The following ABR variants were observed in gnomAD, a reference collection of about 807,000 sequenced individuals.
The protein encoded by ABR is active breakpoint cluster region-related protein.
In ABR, 35 loss-of-function variants were observed where a neutral mutation model predicts 107.2. The ratio of observed to expected loss-of-function variants is 0.33; its 90% CI spans 0.25 to 0.43. ABR has a LOEUF of 0.43. ABR is among the 20% of genes least tolerant of loss of function. The pLI is 1.00. For missense variants in ABR, 815 were observed against 1,115.2 expected, an observed-to-expected ratio of 0.73 and a Z score of 3.83; for synonymous variants, 498 against 462.0, an observed-to-expected ratio of 1.08 and a Z score of -1.00.
At position 1,073,695 on chromosome 17, in the gene ABR, G is replaced by C. The variant is rs997103706; in HGVS notation, c.701-18C>G. 3.8e-6 allele frequency: 6 copies of C among 1,596,664 alleles called. No homozygotes were observed. Among genetic ancestry groups the C allele is most frequent in the Non-Finnish European group, 4.3e-6 (5 of 1,170,302 alleles). On this transcript the variant is annotated intron_variant, in intron 6 of 22. Transcript: ENST00000302538. ...GAGCAGAGCTGTCGGGGGAGACAGG[G>C]AGAAGGAGGAAGAGGATGATGGACG...
chr17:1,155,551 C>T (rs2041006653), intron 1 of ABR, among the ~76,000 whole-genome samples: 1 of 152,152 alleles, frequency 6.6e-6, no homozygotes, highest in Non-Finnish European at 1.5e-5. Context: ...GGGGGAACCG[C>T]ACGTCATCAA....
intron 1 of ABR, among the ~76,000 whole-genome samples, chr17:1,176,987 A>G (rs909540172): frequency 1.3e-5 from 2 of 152,112 alleles, no homozygotes; most frequent in African/African-American, 4.8e-5. Context: ...AGAGAGAGGA[A>G]GGCAGGGAAC....
In ABR at chr17:1,004,655, C is replaced by G. The variant is rs1250054867; in HGVS notation, c.*1425G>C. On this transcript the variant is annotated 3_prime_UTR_variant, in exon 23 of 23. Coordinates refer to ENST00000302538, the MANE Select transcript of ABR (RefSeq NM_021962.5). ...CACTCCTTCCTAGTACCGGGCAATG[C>G]GTCTGCAAGTCGGGTCCCTGCTCCC... 3 of 180,188 alleles carry G rather than the reference C, an allele frequency of 1.7e-5. No homozygotes were observed. Among genetic ancestry groups the G allele is most frequent in the Non-Finnish European group, 3.5e-5 (3 of 86,922 alleles). The allele number at this position is 180,188 out of a possible 1,614,324, so 11.2% of individuals were successfully genotyped here.
intron 2 of ABR, among the ~76,000 whole-genome samples, chr17:1,113,106 C>G (rs536447007): frequency 1.0e-3 from 155 of 152,078 alleles, no homozygotes; most frequent in Middle Eastern, 6.8e-3. Context: ...ACAGGGAACC[C>G]CGTGCCTACC....
rs181267182 is a variant in ABR, at chr17:1,218,011, G to T, written c.838+10782C>A. On this transcript the variant is annotated intron_variant, in intron 1 of 22. Transcript: ENST00000574139. ...CGCCCGACTAATTTTTGTATTTTTA[G>T]TGGAGACGGGGTTTCACCATGTTGG... 3.1e-4 allele frequency among the ~76,000 whole-genome samples: 47 copies of T among 152,286 alleles called. 1 individual carries two copies. In the East Asian group the frequency reaches 8.3e-3, roughly 27 times the overall value.
intron 1 of ABR, among the ~76,000 whole-genome samples, chr17:1,135,332 T>C (rs2040010526): frequency 6.6e-6 from 1 of 152,110 alleles, no homozygotes; most frequent in African/African-American, 2.4e-5. Flanking sequence ...GGCCACATCA[T>C]TGCTGAATAT....
At chr17:1,095,110 C>G (rs920097500) in intron 3 of ABR, among the ~76,000 whole-genome samples, 4 of 152,180 alleles carry the variant, frequency 2.6e-5, no homozygotes, top group Non-Finnish European at 5.9e-5. Flanking sequence ...CGCCTTGGCG[C>G]AGTCCCCACT....
At chr17:1,094,734 CGACT>C (rs370827558) in intron 3 of ABR, among the ~76,000 whole-genome samples, 3 of 152,216 alleles carry the variant, frequency 2.0e-5, no homozygotes, top group Admixed American at 6.5e-5. Context: ...ATGGACGATG[CGACT>C]GACTGTAAGC....
chr17:1,027,982 G>T lies in ABR; in HGVS notation c.1792-14818C>A, dbSNP rs541273393. 1.3e-5 allele frequency among the ~76,000 whole-genome samples: 2 copies of T among 152,200 alleles called. No individual in the cohort carries two copies. Among genetic ancestry groups the T allele is most frequent in the South Asian group, 2.1e-4 (1 of 4,814 alleles). Reference sequence around the variant, plus strand: ...GTGAGTGGTAGAGTGAACCTCTGGGGTGTGCACGTGGTCTGCACACCTGGT... The same window carrying T: ...GTGAGTGGTAGAGTGAACCTCTGGGTTGTGCACGTGGTCTGCACACCTGGT... On this transcript the variant is annotated intron_variant, in intron 16 of 22. Coordinates refer to ENST00000302538, the MANE Select transcript of ABR (RefSeq NM_021962.5). This position sits in a 1 kb window ranked among gnomAD's most constrained non-coding sequence, Gnocchi z 4.7.
intron 1 of ABR, 76 bp from the exon 2 acceptor site, chr17:1,125,443 G>C (rs778319800): frequency 6.4e-7 from 1 of 1,566,368 alleles, no homozygotes; most frequent in Non-Finnish European, 8.7e-7. Context: ...AGTGGGCGCC[G>C]GCGGCGGCCC....
Position 1,011,119 on chromosome 17 carries a change from C to T in ABR, c.2102-256G>A, listed in dbSNP as rs1567561911. 5.8e-6 allele frequency: 3 copies of T among 520,410 alleles called. No individual in the cohort carries two copies. The highest frequency in any genetic ancestry group is 1.0e-5 in the Non-Finnish European group (3 of 286,210). 32.2% of individuals were successfully genotyped at this position (520,410 alleles called of 1,614,324 possible). ...GGTGTTTGGGGAGTGAAATCCATCA[C>T]CCAGAGTTCAGAGCCACATTCATAC... On this transcript the variant is annotated intron_variant, in intron 19 of 22. Transcript: ENST00000302538. The surrounding 1 kb of genome is among the most constrained non-coding windows in gnomAD (Gnocchi z 4.8).
chr17:1,011,997 C>T lies in ABR; in HGVS notation c.1962-12G>A, dbSNP rs111894916. The stretch of plus-strand genomic sequence containing the variant: ...TGGAGCGCTCCCGCCTGGGGTGGAG[C>T]GTGAGGATGGGTGGAGGGCAGCCCC... On this transcript the variant is annotated splice_polypyrimidine_tract_variant and intron_variant, in intron 18 of 22. Coordinates refer to ENST00000302538, the MANE Select transcript of ABR (RefSeq NM_021962.5). The surrounding 1 kb of genome is among the most constrained non-coding windows in gnomAD (Gnocchi z 4.8). 170 of 1,611,624 alleles carry T rather than the reference C, an allele frequency of 1.1e-4. No individual in the cohort carries two copies. Among genetic ancestry groups the T allele is most frequent in the South Asian group, 4.6e-4 (42 of 90,968 alleles).
chr17:1,134,587 A>G (rs1165396299), intron 1 of ABR, among the ~76,000 whole-genome samples: 2 of 152,192 alleles, frequency 1.3e-5, no homozygotes, highest in Non-Finnish European at 2.9e-5. Context: ...ACATTTCCAA[A>G]TGATATCCTC....
intron 14 of ABR, among the ~76,000 whole-genome samples, chr17:1,053,601 T>A (rs1489400143): frequency 6.6e-6 from 1 of 151,988 alleles, no homozygotes; most frequent in Non-Finnish European, 1.5e-5. Context: ...AGGTCCTGAG[T>A]TTACCACGGC....
rs1414718681 is a variant in ABR, at chr17:1,078,929, C to G, written c.700+401G>C. 4 of 1,530,644 alleles carry G rather than the reference C, an allele frequency of 2.6e-6. No individual in the cohort carries two copies. The highest frequency in any genetic ancestry group is 1.2e-5 in the South Asian group (1 of 83,594). The allele number at this position is 1,530,644 out of a possible 1,614,324, so 94.8% of individuals were successfully genotyped here. On this transcript the variant is annotated intron_variant, in intron 6 of 22. Transcript: ENST00000302538. This position sits in a 1 kb window ranked among gnomAD's most constrained non-coding sequence, Gnocchi z 7.5. ...GGCTCCCCGGCGCCCACCAGCAGCC[C>G]GGCCACTCAGCCACCTTGCTGATGC...
At chr17:1,057,649 ATGTGTGTATGTGTG>A (rs1255610180) in intron 12 of ABR, among the ~76,000 whole-genome samples, 1 of 137,600 alleles carries the variant, frequency 7.3e-6, no homozygotes, top group Non-Finnish European at 1.6e-5. Flanking sequence ...GCCTCTGTGT[ATGTGTGTATGTGTG>A]TGTGTGTGTG....
chr17:1,056,420 G>T (rs536397694), intron 13 of ABR, among the ~76,000 whole-genome samples: 1 of 152,172 alleles, frequency 6.6e-6, no homozygotes, highest in South Asian at 2.1e-4. Flanking sequence ...TGCCTATCCT[G>T]GCACTGAAAA....
chr17:1,020,326 A>G (rs948916132), intron 16 of ABR, among the ~76,000 whole-genome samples: 2 of 151,908 alleles, frequency 1.3e-5, no homozygotes, highest in African/African-American at 2.4e-5. Flanking sequence ...CAGGTGATCC[A>G]CCCGCCTCGG....
intron 3 of ABR, among the ~76,000 whole-genome samples, chr17:1,094,370 A>ATTTTT (rs541367607): frequency 1.4e-5 from 2 of 139,928 alleles, no homozygotes; most frequent in Non-Finnish European, 1.6e-5. Context: ...CCAGACTGCA[A>ATTTTT]TTTTTTTTTT....
Sources: allele counts gnomAD v4.1 joint callset (sites outside exome capture counted in the v4.1 genomes callset), GRCh38; gene constraint gnomAD v4.1.1; non-coding constraint Gnocchi (gnomAD v3.1); transcripts MANE v1.5; gene names NCBI Gene and HGNC (gene_info 2026-07-23, HGNC 2026-07-21).